Variants in PRKN observed in about 807,000 individuals in gnomAD.
PRKN encodes E3 ubiquitin-protein ligase parkin.
In PRKN, 56 loss-of-function variants were observed where a neutral mutation model predicts 59.5. That is an observed-to-expected ratio of 0.94 (90% CI 0.76 to 1.18). The LOEUF is 1.18. Among genes scored for constraint, PRKN ranks in the 50% most tolerant of loss-of-function variants. The probability of loss-of-function intolerance (pLI) is 0.00; values close to 1 mark genes in which losing one functional copy is unlikely to be tolerated. For missense variants in PRKN, 657 were observed against 596.4 expected, an observed-to-expected ratio of 1.10 and a Z score of -1.06; for synonymous variants, 250 against 222.1, an observed-to-expected ratio of 1.13 and a Z score of -1.12.
In PRKN at chr6:162,201,156, C is replaced by T. The variant is rs1007797597; in HGVS notation, c.509G>A (p.Arg170Lys). The change falls in exon 4 of 12, where the codon AGG becomes AAG. Residue 170 changes from arginine (R) to lysine (K), a missense_variant. Coordinates refer to ENST00000366898, the MANE Select transcript of PRKN (RefSeq NM_004562.3). The part of the protein sequence containing the change: ...GKLRVQCSTC[R>K]QATLTLTQGP... ...CTGGGTCAAGGTGAGCGTTGCCTGCCTGCAGGTGCTGCACTGTACCCTGAG... is the reference window on the plus strand; with the variant it reads ...CTGGGTCAAGGTGAGCGTTGCCTGCTTGCAGGTGCTGCACTGTACCCTGAG... The T allele has an allele frequency of 7.4e-6, 12 of 1,614,018 alleles. No individual in the cohort carries two copies. Among genetic ancestry groups the T allele is most frequent in the African/African-American group, 1.3e-5 (1 of 74,916 alleles).
chr6:162,621,624 T>C (rs1286486061), intron 1 of PRKN, among the ~76,000 whole-genome samples: 1 of 152,212 alleles, frequency 6.6e-6, no homozygotes, highest in Non-Finnish European at 1.5e-5. Context: ...CAAATGTTAA[T>C]TGACATAGAC....
chr6:161,426,412 T>C (rs1278516603), intron 9 of PRKN, among the ~76,000 whole-genome samples: 3 of 152,240 alleles, frequency 2.0e-5, no homozygotes, highest in East Asian at 3.9e-4. Context: ...TCTAATCAGC[T>C]GCCAGTGTAG....
intron 5 of PRKN, among the ~76,000 whole-genome samples, chr6:161,980,657 G>C (rs1041232645): frequency 2.0e-5 from 3 of 152,186 alleles, no homozygotes; most frequent in African/African-American, 7.2e-5. Flanking sequence ...CAATGAATGG[G>C]ATGAAGCCAC....
chr6:162,598,668 C>T (rs1371572797), intron 1 of PRKN, among the ~76,000 whole-genome samples: 3 of 151,954 alleles, frequency 2.0e-5, no homozygotes, highest in Non-Finnish European at 4.4e-5. Context: ...GCCTGGCCAA[C>T]ATGGTGAAGC....
At chr6:161,767,516 C>A (rs1263144487) in intron 7 of PRKN, among the ~76,000 whole-genome samples, 34 of 145,540 alleles carry the variant, frequency 2.3e-4, no homozygotes, top group Middle Eastern at 3.5e-3. Context: ...AACTCCTTCT[C>A]AAAAAAAAAA....
chr6:161,649,995 C>T (rs1322497742), intron 7 of PRKN, among the ~76,000 whole-genome samples: 2 of 152,184 alleles, frequency 1.3e-5, no homozygotes, highest in Admixed American at 6.5e-5. Context: ...AGGGTCGCTG[C>T]AGGTGTGCCA....
At chr6:161,704,399 G>A (rs1422011281) in intron 7 of PRKN, among the ~76,000 whole-genome samples, 1 of 151,988 alleles carries the variant, frequency 6.6e-6, no homozygotes, top group Non-Finnish European at 1.5e-5. Context: ...GCCATCTTTC[G>A]TCAGTTTACC....
intron 2 of PRKN, among the ~76,000 whole-genome samples, chr6:162,271,236 G>C (rs1010630714): frequency 2.6e-5 from 4 of 151,934 alleles, no homozygotes; most frequent in Admixed American, 2.6e-4. Context: ...AAGACAAAAC[G>C]GCAATGATTT....
chr6:161,583,228 C>A (rs973989370), intron 7 of PRKN, among the ~76,000 whole-genome samples: 1 of 152,088 alleles, frequency 6.6e-6, no homozygotes. Flanking sequence ...CCTTTAGATT[C>A]TCTTTAAAAC....
intron 5 of PRKN, among the ~76,000 whole-genome samples, chr6:162,011,076 AT>A (rs1237113114): frequency 5.3e-5 from 1 of 18,948 alleles, no homozygotes; most frequent in Non-Finnish European, 7.5e-5. Context: ...TAATATATTT[AT>A]AATATATATT....
intron 1 of PRKN, among the ~76,000 whole-genome samples, chr6:162,446,580 G>A (rs1790326393): frequency 6.6e-6 from 1 of 152,062 alleles, no homozygotes; most frequent in Non-Finnish European, 1.5e-5. Context: ...AAATACTACG[G>A]ATATGAATAT....
At chr6:162,092,191 T>C (rs962689076) in intron 4 of PRKN, among the ~76,000 whole-genome samples, 1 of 151,768 alleles carries the variant, frequency 6.6e-6, no homozygotes, top group Non-Finnish European at 1.5e-5. Flanking sequence ...CCGGCTCTAC[T>C]AAAAATACCA....
chr6:162,325,139 T>TGCCAGCCAAATAATGGGTTA (rs75305414), intron 2 of PRKN, among the ~76,000 whole-genome samples: 71,857 of 151,952 alleles, frequency 0.47, 17,617 homozygotes, highest in Middle Eastern at 0.54. Flanking sequence ...ACTTTATTAG[T>TGCCAGCCAAATAATGGGTTA]GCTAGAGCCC....
intron 2 of PRKN, among the ~76,000 whole-genome samples, chr6:162,377,381 G>A (rs1430892674): frequency 1.3e-5 from 2 of 152,252 alleles, no homozygotes; most frequent in South Asian, 2.1e-4. Flanking sequence ...CACCACGCTC[G>A]GTGACACCAC....
intron 7 of PRKN, among the ~76,000 whole-genome samples, chr6:161,741,298 G>T (rs752697902): frequency 6.6e-6 from 1 of 152,124 alleles, no homozygotes; most frequent in Non-Finnish European, 1.5e-5. Flanking sequence ...TTTCTCCGAG[G>T]ACCTGATTCA....
chr6:162,594,164 A>G (rs530590329), intron 1 of PRKN, among the ~76,000 whole-genome samples: 67 of 152,282 alleles, frequency 4.4e-4, no homozygotes, highest in Non-Finnish European at 7.6e-4. Flanking sequence ...AAACAAAAAA[A>G]AAACTACCCC....
intron 7 of PRKN, among the ~76,000 whole-genome samples, chr6:161,679,513 A>G (rs1244781784): frequency 6.8e-6 from 1 of 147,158 alleles, no homozygotes; most frequent in Admixed American, 6.8e-5. Context: ...CTCGGAAGGT[A>G]CTTCCCGCTT....
intron 3 of PRKN, among the ~76,000 whole-genome samples, chr6:162,221,472 A>G (rs887405796): frequency 6.6e-6 from 1 of 152,200 alleles, no homozygotes; most frequent in Non-Finnish European, 1.5e-5. Flanking sequence ...AACTCTTCAA[A>G]TAAGCATGCT....
chr6:161,761,227 C>G (rs925413447), intron 7 of PRKN, among the ~76,000 whole-genome samples: 13 of 152,148 alleles, frequency 8.5e-5, no homozygotes, highest in African/African-American at 2.9e-4. Context: ...GTGTCTTTCT[C>G]CAGATAAGAC....
Sources: allele counts gnomAD v4.1 joint callset (sites outside exome capture counted in the v4.1 genomes callset), GRCh38; gene constraint gnomAD v4.1.1; transcripts MANE v1.5; gene names NCBI Gene and HGNC (gene_info 2026-07-23, HGNC 2026-07-21).